Variants in SUPT3H observed in about 807,000 individuals in gnomAD.
The protein encoded by SUPT3H is transcription initiation protein SPT3 homolog.
In SUPT3H, 44 loss-of-function variants were observed where a neutral mutation model predicts 44.3. The observed-to-expected ratio is 0.99, with a 90% confidence interval of 0.78 to 1.28. SUPT3H has a LOEUF of 1.28. Among genes scored for constraint, SUPT3H ranks in the 50% most tolerant of loss-of-function variants. The pLI is 0.00. For synonymous variants in SUPT3H, 124 were observed against 125.6 expected (o/e 0.99, Z 0.09); for missense variants, 380 against 387.1 (o/e 0.98, Z 0.15).
intron 2 of SUPT3H, among the ~76,000 whole-genome samples, chr6:45,348,458 A>C: frequency 6.7e-6 from 1 of 148,522 alleles, no homozygotes; most frequent in Non-Finnish European, 1.5e-5. Flanking sequence ...CTTGAGGTCT[A>C]GAGTTCCAGA....
intron 2 of SUPT3H, among the ~76,000 whole-genome samples, chr6:45,152,258 C>G (rs1042586572): frequency 5.3e-5 from 8 of 152,170 alleles, no homozygotes; most frequent in Non-Finnish European, 1.2e-4. Context: ...AAAATCATCT[C>G]CAACATTTTG....
At chr6:45,163,918 A>T (rs960090607) in intron 2 of SUPT3H, among the ~76,000 whole-genome samples, 4 of 152,098 alleles carry the variant, frequency 2.6e-5, no homozygotes, top group African/African-American at 9.7e-5. Flanking sequence ...TAAATAGTTG[A>T]TCCTTATTAT....
downstream of SUPT3H, among the ~76,000 whole-genome samples, chr6:44,821,820 C>T (rs535182829): frequency 3.1e-4 from 47 of 152,210 alleles, no homozygotes; most frequent in African/African-American, 1.1e-3. Context: ...ATCTACTCAC[C>T]ATTGGAGAAC....
intron 9 of SUPT3H, among the ~76,000 whole-genome samples, chr6:44,946,602 G>A (rs1004054932): frequency 6.6e-6 from 1 of 152,182 alleles, no homozygotes; most frequent in African/African-American, 2.4e-5. Context: ...AACTAAAAGT[G>A]CAGCCTGAAG....
At chr6:45,273,955 T>G (rs1776617855) in intron 2 of SUPT3H, among the ~76,000 whole-genome samples, 1 of 152,204 alleles carries the variant, frequency 6.6e-6, no homozygotes. Flanking sequence ...GGTTTCAATC[T>G]CTCCACATCA....
At chr6:45,177,150 CA>C (rs1224467228) in intron 2 of SUPT3H, among the ~76,000 whole-genome samples, 1 of 151,994 alleles carries the variant, frequency 6.6e-6, no homozygotes, top group African/African-American at 2.4e-5. Context: ...AAACCAAAGG[CA>C]AAGAAGTTGA....
intron 9 of SUPT3H, among the ~76,000 whole-genome samples, chr6:44,940,941 A>G (rs554571864): frequency 3.9e-5 from 6 of 152,172 alleles, no homozygotes; most frequent in African/African-American, 1.4e-4. Flanking sequence ...TTCAGTCCAT[A>G]TATGTCTTTA....
At chr6:44,965,360 T>C (rs898530370) in intron 6 of SUPT3H, among the ~76,000 whole-genome samples, 1 of 152,232 alleles carries the variant, frequency 6.6e-6, no homozygotes, top group African/African-American at 2.4e-5. Context: ...ATTATCATTT[T>C]CTATGTGTGC....
At chr6:44,989,188 C>T (rs11967188) in intron 6 of SUPT3H, among the ~76,000 whole-genome samples, 52,389 of 151,876 alleles carry the variant, frequency 0.34, 9,761 homozygotes, top group Admixed American at 0.42. Flanking sequence ...ACCAAAATAA[C>T]CCATCACCCT....
chr6:44,984,230 G>C (rs1779474177), intron 6 of SUPT3H, among the ~76,000 whole-genome samples: 2 of 152,078 alleles, frequency 1.3e-5, no homozygotes, highest in South Asian at 4.1e-4. Flanking sequence ...CATTTCCTGA[G>C]ACTTAAGATT....
chr6:44,867,813 G>A (rs1775735809), intron 10 of SUPT3H, among the ~76,000 whole-genome samples: 1 of 152,132 alleles, frequency 6.6e-6, no homozygotes, highest in Admixed American at 6.5e-5. Flanking sequence ...ACCACAGCAA[G>A]GCACTCATTA....
chr6:45,022,293 A>G lies in SUPT3H; in HGVS notation c.187-1661T>C, dbSNP rs567436470. Among the ~76,000 whole-genome samples the G allele has an allele frequency of 1.6e-4, 24 of 152,220 alleles. No homozygotes were observed. In the South Asian group the frequency reaches 4.6e-3, roughly 29 times the overall value. The stretch of plus-strand genomic sequence containing the variant: ...CTCAATTAATCAACAGTTTATGCAC[A>G]CTACATATAAATAATCTCTATTCAT... On this transcript the variant is annotated intron_variant, in intron 3 of 10. Transcript: ENST00000371459.
Position 44,881,854 on chromosome 6 carries a change from C to T in SUPT3H, c.912+50799G>A, listed in dbSNP as rs62438010. Among the ~76,000 whole-genome samples, 1,192 of 152,128 alleles carry T rather than the reference C, an allele frequency of 7.8e-3. 10 individuals carry two copies. The highest frequency in any genetic ancestry group is 0.023 in the East Asian group (120 of 5,166). ...GAAGCCAATGAGAACTAAGACATGACGTACAAGAATCTCTGGGACACAGCT... is the reference window on the plus strand; with the variant it reads ...GAAGCCAATGAGAACTAAGACATGATGTACAAGAATCTCTGGGACACAGCT... On this transcript the variant is annotated intron_variant, in intron 10 of 10. Coordinates refer to ENST00000371459, the MANE Select transcript of SUPT3H (RefSeq NM_003599.4).
At chr6:45,025,920 G>C (rs1459780683) in intron 3 of SUPT3H, among the ~76,000 whole-genome samples, 2 of 151,446 alleles carry the variant, frequency 1.3e-5, no homozygotes, top group Non-Finnish European at 2.9e-5. Context: ...GAATTAAGTT[G>C]ATTATTCCAC....
chr6:44,869,751 T>A (rs924146695), intron 10 of SUPT3H, among the ~76,000 whole-genome samples: 3 of 152,168 alleles, frequency 2.0e-5, no homozygotes, highest in African/African-American at 7.2e-5. Flanking sequence ...TAACCACTAG[T>A]TAGGAAGTCC....
chr6:44,944,762 C>CAAAAAAA (rs57506313), intron 9 of SUPT3H, among the ~76,000 whole-genome samples: 2,626 of 29,430 alleles, frequency 0.089, 672 homozygotes, highest in Non-Finnish European at 0.13. Flanking sequence ...ACCCTCTCTC[C>CAAAAAAA]AAAAAAAAAA....
At chr6:44,963,448 C>A (rs1390719881) in intron 6 of SUPT3H, among the ~76,000 whole-genome samples, 1 of 152,148 alleles carries the variant, frequency 6.6e-6, no homozygotes, top group Non-Finnish European at 1.5e-5. Context: ...TGAGATCACG[C>A]CACTGCACAC....
intron 2 of SUPT3H, among the ~76,000 whole-genome samples, chr6:45,242,535 G>A (rs921473269): frequency 4.6e-5 from 7 of 152,194 alleles, no homozygotes; most frequent in Non-Finnish European, 1.0e-4. Context: ...ACCAGTCAGA[G>A]TGTAGACATC....
chr6:44,983,775 G>C (rs1049294463), intron 6 of SUPT3H, among the ~76,000 whole-genome samples: 1 of 152,134 alleles, frequency 6.6e-6, no homozygotes, highest in Non-Finnish European at 1.5e-5. Context: ...ATGTTTTACA[G>C]GTTTAGTGAG....
Sources: gnomAD v4.1 joint callset for allele counts (sites outside exome capture counted in the v4.1 genomes callset) on GRCh38, gnomAD v4.1.1 for gene constraint, MANE v1.5 for transcripts, NCBI Gene and HGNC (gene_info 2026-07-23, HGNC 2026-07-21) for gene names.